Variants in EPB41L2 observed in about 807,000 individuals in gnomAD.
The protein encoded by EPB41L2 is erythrocyte membrane protein band 4.1 like 2.
Under a neutral mutation model 113.0 loss-of-function variants are expected in EPB41L2, and 43 were observed. The observed-to-expected ratio is 0.38, with a 90% CI of 0.30 to 0.49. EPB41L2 has a LOEUF of 0.49. Among genes scored for constraint, EPB41L2 ranks in the 20% least tolerant of loss-of-function variants. The probability of loss-of-function intolerance (pLI) is 0.95; values close to 1 mark genes in which losing one functional copy is unlikely to be tolerated. For missense variants in EPB41L2, 1,147 were observed against 1,223.4 expected (o/e 0.94, Z 0.93); for synonymous variants, 442 against 436.7 (o/e 1.01, Z -0.15).
intron 5 of EPB41L2, among the ~76,000 whole-genome samples, chr6:130,907,088 A>G (rs1562454543): frequency 6.6e-6 from 1 of 152,146 alleles, no homozygotes; most frequent in Non-Finnish European, 1.5e-5. Context: ...CAAAAAAAAA[A>G]TAATAATAAT....
chr6:130,867,465 A>G lies in EPB41L2; in HGVS notation c.2724T>C (p.Ser908=). The part of the protein sequence containing the change: ...QTETKTITYE[S]PQIDGGAGGD... ...AAGTCTAGAGCTTTTGTACCTGTGGAGACTCATATGTGATGGTTTTGGTCT... is the reference window on the plus strand; with the variant it reads ...AAGTCTAGAGCTTTTGTACCTGTGGGGACTCATATGTGATGGTTTTGGTCT... The change falls in exon 16 of 20, where the codon TCT becomes TCC. Residue 908 remains serine (S), a synonymous_variant. Coordinates refer to ENST00000337057, the MANE Select transcript of EPB41L2 (RefSeq NM_001431.4). The G allele has an allele frequency of 6.2e-7, 1 of 1,613,982 alleles. No individual in the cohort carries two copies. The highest frequency in any genetic ancestry group is 8.5e-7 in the Non-Finnish European group (1 of 1,179,866).
At position 130,899,569 on chromosome 6, in the gene EPB41L2, C is replaced by T. The variant is rs150838163; in HGVS notation, c.1158G>A (p.Ser386=). Residue 386 remains serine, a synonymous_variant, in exon 8 of 20, where the codon TCG becomes TCA. Coordinates refer to ENST00000337057, the MANE Select transcript of EPB41L2 (RefSeq NM_001431.4). ...AGAACTGGGAATCAGCTTGTGCTGG[C>T]GATAAGCCCCTGAGAATCAAAAGAA... ...AELHKTHRGL[S]PAQADSQFLE... The T allele has an allele frequency of 1.7e-5, 27 of 1,613,508 alleles. No homozygotes were observed. Among genetic ancestry groups the T allele is most frequent in the Middle Eastern group, 1.6e-4 (1 of 6,082 alleles).
intron 7 of EPB41L2, among the ~76,000 whole-genome samples, chr6:130,900,262 T>C (rs1425608353): frequency 6.6e-6 from 1 of 151,900 alleles, no homozygotes; most frequent in Non-Finnish European, 1.5e-5. Context: ...TCAATGAATG[T>C]GGCCTGTTTA....
At position 130,964,458 on chromosome 6, in the gene EPB41L2, T is replaced by C. The variant is rs576656174; in HGVS notation, c.-14-7959A>G. Among the ~76,000 whole-genome samples the C allele has an allele frequency of 7.3e-5, 11 of 151,018 alleles. No homozygotes were observed. In the South Asian group the frequency reaches 2.3e-3, roughly 32 times the overall value. On this transcript the variant is annotated intron_variant, in intron 1 of 19. Coordinates refer to ENST00000337057, the MANE Select transcript of EPB41L2 (RefSeq NM_001431.4). Reference sequence around the variant, plus strand: ...TAGCCATGTAACCGCAGACAAGTTATTTTAGCCTTGCTGAGTTTCAGCTTC... The same window carrying C: ...TAGCCATGTAACCGCAGACAAGTTACTTTAGCCTTGCTGAGTTTCAGCTTC...
chr6:130,860,595 C>T (rs1473620168), intron 18 of EPB41L2, among the ~76,000 whole-genome samples: 5 of 152,158 alleles, frequency 3.3e-5, no homozygotes, highest in Non-Finnish European at 5.9e-5. Context: ...TGCAGTGGCG[C>T]GATCTCGGCT....
chr6:131,026,880 C>T (rs1258041071), intron 1 of EPB41L2, among the ~76,000 whole-genome samples: 1 of 152,160 alleles, frequency 6.6e-6, no homozygotes, highest in Non-Finnish European at 1.5e-5. Context: ...TCTCTTCCCT[C>T]GCCTTTTCTA....
rs1784984611 is a variant in EPB41L2 at position 131,004,309 on chromosome 6, T to TA, written c.-14-47811dup. 5.9e-5 allele frequency among the ~76,000 whole-genome samples: 9 copies of TA among 152,260 alleles called. No individual in the cohort carries two copies. The South Asian group carries it at 1.9e-3, about 32-fold the overall frequency. On this transcript the variant is annotated intron_variant, in intron 1 of 19. Coordinates refer to ENST00000337057, the MANE Select transcript of EPB41L2 (RefSeq NM_001431.4). Reference sequence around the variant, plus strand: ...AATGACAAAAGTGAACCTGGGGGTGTAAGCTCCAATCCTCAATCTGTAAAA... The same window carrying TA: ...AATGACAAAAGTGAACCTGGGGGTGTAAAGCTCCAATCCTCAATCTGTAAAA...
intron 3 of EPB41L2, among the ~76,000 whole-genome samples, chr6:130,929,379 T>A (rs528069557): frequency 8.5e-5 from 13 of 152,294 alleles, no homozygotes; most frequent in African/African-American, 3.1e-4. Context: ...CTTCGGATGT[T>A]TATAGAGACT....
At position 131,037,777 on chromosome 6, in the gene EPB41L2, C is replaced by T. The variant is rs932677960; in HGVS notation, c.-15+25378G>A. On this transcript the variant is annotated intron_variant, in intron 1 of 19. Coordinates refer to ENST00000337057, the MANE Select transcript of EPB41L2 (RefSeq NM_001431.4). ...CTAGTTTTTCTCATTTTTGTAGTGA[C>T]AGGGTTTCACCATCTTGGCCAAGCT... is the stretch of plus-strand genomic sequence containing the variant. Among the ~76,000 whole-genome samples, 47 of 151,926 alleles carry T rather than the reference C, an allele frequency of 3.1e-4. 1 individual carries two copies. Among genetic ancestry groups the T allele is most frequent in the Admixed American group, 2.8e-3 (43 of 15,246 alleles).
intron 1 of EPB41L2, among the ~76,000 whole-genome samples, chr6:131,043,585 A>G (rs1375884872): frequency 6.6e-6 from 1 of 152,064 alleles, no homozygotes; most frequent in African/African-American, 2.4e-5. Context: ...GCAAGGAAAT[A>G]TAAAAGAAAG....
At chr6:130,905,128 T>C (rs964398027) in intron 5 of EPB41L2, among the ~76,000 whole-genome samples, 4 of 152,280 alleles carry the variant, frequency 2.6e-5, no homozygotes, top group African/African-American at 9.6e-5. Flanking sequence ...TGTAAGTATA[T>C]TCGTATATAA....
Position 130,840,070 on chromosome 6 carries a change from G to A in EPB41L2, c.*534C>T, listed in dbSNP as rs1258609532. 1 of 152,212 alleles carries A rather than the reference G, an allele frequency of 6.6e-6. No individual in the cohort carries two copies. The highest frequency in any genetic ancestry group is 1.5e-5 in the Non-Finnish European group (1 of 68,032). 9.4% of individuals were successfully genotyped at this position (152,212 alleles called of 1,614,324 possible). A position where few individuals can be genotyped will look rare whatever the true frequency, so the allele number is the denominator to read the frequency against. ...AAGATGTAAGAAAGGCTTTTAATCT[G>A]TATTAATATTTTCTCATACAGTATA... is the stretch of plus-strand genomic sequence containing the variant. On this transcript the variant is annotated 3_prime_UTR_variant, in exon 20 of 20. Transcript: ENST00000337057.
At chr6:131,050,019 A>C (rs1306007368) in intron 1 of EPB41L2, among the ~76,000 whole-genome samples, 1 of 152,154 alleles carries the variant, frequency 6.6e-6, no homozygotes, top group African/African-American at 2.4e-5. Flanking sequence ...CTTACTTGTC[A>C]GACCCGTGGT....
Position 131,020,301 on chromosome 6 carries a change from G to T in EPB41L2, c.-15+42854C>A, listed in dbSNP as rs1789163725. Among the ~76,000 whole-genome samples, 7 of 151,512 alleles carry T rather than the reference G, an allele frequency of 4.6e-5. No homozygotes were observed. The South Asian group carries it at 1.5e-3, about 32-fold the overall frequency. The stretch of plus-strand genomic sequence containing the variant: ...CTCATATTTATGTACATAAATTATT[G>T]GTGTTTTTTCTATTGTCTTAAATAT... On this transcript the variant is annotated intron_variant, in intron 1 of 19. Transcript: ENST00000337057.
chr6:130,936,610 A>G (rs990428614), intron 3 of EPB41L2, among the ~76,000 whole-genome samples: 15 of 152,142 alleles, frequency 9.9e-5, no homozygotes, highest in Admixed American at 8.5e-4. Flanking sequence ...AGAATACTAG[A>G]AATTTATCCA....
intron 1 of EPB41L2, among the ~76,000 whole-genome samples, chr6:130,982,185 C>A (rs570406208): frequency 9.2e-5 from 14 of 151,764 alleles, no homozygotes; most frequent in African/African-American, 2.9e-4. Flanking sequence ...CAAATCAATG[C>A]TTTATTTTGT....
intron 1 of EPB41L2, among the ~76,000 whole-genome samples, chr6:131,056,015 A>G (rs1797510240): frequency 6.6e-6 from 1 of 152,212 alleles, no homozygotes; most frequent in African/African-American, 2.4e-5. Context: ...TAGACACAAT[A>G]GACCCAGTGG....
intron 1 of EPB41L2, among the ~76,000 whole-genome samples, chr6:130,971,462 T>C (rs1237572217): frequency 6.6e-6 from 1 of 152,196 alleles, no homozygotes; most frequent in Non-Finnish European, 1.5e-5. Flanking sequence ...CTTGTACTTT[T>C]ATTACGTAGA....
intron 3 of EPB41L2, among the ~76,000 whole-genome samples, chr6:130,939,494 C>G (rs1810041212): frequency 6.6e-6 from 1 of 152,062 alleles, no homozygotes; most frequent in African/African-American, 2.4e-5. Context: ...ACCTCGTGAT[C>G]CGCCCACCTC....
Sources: allele counts gnomAD v4.1 joint callset (sites outside exome capture counted in the v4.1 genomes callset), GRCh38; gene constraint gnomAD v4.1.1; transcripts MANE v1.5; gene names NCBI Gene and HGNC (gene_info 2026-07-23, HGNC 2026-07-21).